The following PMS2 variants were observed in gnomAD, a reference collection of about 807,000 sequenced individuals.
PMS2 encodes mismatch repair endonuclease PMS2.
A neutral mutation model predicts 90.0 loss-of-function variants in PMS2; 69 were observed. The observed-to-expected ratio is 0.77, with a 90% CI of 0.63 to 0.94. The LOEUF is 0.94. Among genes scored for constraint, PMS2 ranks in the 40% least tolerant of loss-of-function variants. The pLI, the probability that PMS2 is intolerant of heterozygous loss-of-function variation, is 0.00. For synonymous variants in PMS2, 332 were observed against 375.1 expected, an observed-to-expected ratio of 0.89 and a Z score of 1.33; for missense variants, 966 against 1,040.2, an observed-to-expected ratio of 0.93 and a Z score of 0.98.
chr7:6,003,831 G>A (rs2128828211), intron 3 of PMS2, 39 bp from the exon 4 acceptor site: 1 of 1,380,176 alleles, frequency 7.2e-7, no homozygotes, highest in Non-Finnish European at 1.0e-6. Context: ...GATATCTCAA[G>A]TGCTATAACA....
Position 6,007,793 on chromosome 7 carries a change from A to C in PMS2, c.23+1204T>G, listed in dbSNP as rs187820827. ...CTGCAGATGACCTCACAGAAAATGG[A>C]AAGAAGTATCTCTAAAAATAAGTTT... On this transcript the variant is annotated intron_variant, in intron 1 of 14. Coordinates refer to ENST00000265849, the MANE Select transcript of PMS2 (RefSeq NM_000535.7). Among the ~76,000 whole-genome samples the C allele has an allele frequency of 1.2e-3, 185 of 152,174 alleles. 2 individuals are homozygous for C. The highest frequency in any genetic ancestry group is 6.9e-3 in the Middle Eastern group (2 of 290).
intron 2 of PMS2, among the ~76,000 whole-genome samples, chr7:6,005,671 G>T (rs1785653735): frequency 6.6e-6 from 1 of 152,092 alleles, no homozygotes; most frequent in East Asian, 1.9e-4. Flanking sequence ...GCAATTCTTA[G>T]CATAACACCT....
At chr7:5,992,308 C>T (rs866045589) in intron 8 of PMS2, among the ~76,000 whole-genome samples, 1 of 150,842 alleles carries the variant, frequency 6.6e-6, no homozygotes, top group African/African-American at 2.4e-5. Context: ...ACTTGGATTA[C>T]AGGCAGGATT....
At chr7:6,004,927 A>T (rs1785549492) in intron 2 of PMS2, among the ~76,000 whole-genome samples, 1 of 151,858 alleles carries the variant, frequency 6.6e-6, no homozygotes, top group South Asian at 2.1e-4. Flanking sequence ...TTCTTTTGAG[A>T]TGGAGTTTTG....
At chr7:5,976,833 C>A (rs1781716197) in intron 14 of PMS2, among the ~76,000 whole-genome samples, 1 of 130,458 alleles carries the variant, frequency 7.7e-6, no homozygotes, top group Admixed American at 8.0e-5. Flanking sequence ...CTTTGGGAGG[C>A]TGAGACAAGG....
At chr7:5,984,866 G>A (rs1349546668) in intron 11 of PMS2, among the ~76,000 whole-genome samples, 8 of 151,692 alleles carry the variant, frequency 5.3e-5, no homozygotes, top group South Asian at 4.1e-4. Flanking sequence ...CACCATGCTC[G>A]TCACCATCAC....
chr7:6,003,219 G>C (rs1785300073), intron 4 of PMS2: 1 of 152,466 alleles, frequency 6.6e-6, no homozygotes, highest in Admixed American at 6.5e-5. Flanking sequence ...ACTTGAACCT[G>C]GAAGGCAGAG....
At position 6,003,950 on chromosome 7, in the gene PMS2, G is replaced by C. The variant is rs760932767; in HGVS notation, c.250+22C>G. 1.2e-5 allele frequency: 18 copies of C among 1,474,090 alleles called. No homozygotes were observed. In the South Asian group the frequency reaches 2.0e-4, roughly 17 times the overall value. The allele number at this position is 1,474,090 out of a possible 1,614,324, so 91.3% of individuals were successfully genotyped here. A position where few individuals can be genotyped will look rare whatever the true frequency, so the allele number is the denominator to read the frequency against. Reference sequence around the variant, plus strand: ...CATGTGACCCAATTATTTTATAATAGGATTAGAAAAAGTCAACTTACTTAA... The same window carrying C: ...CATGTGACCCAATTATTTTATAATACGATTAGAAAAAGTCAACTTACTTAA... On this transcript the variant is annotated intron_variant, in intron 3 of 14. Transcript: ENST00000265849.
chr7:6,008,587 C>T (rs1287024852), intron 1 of PMS2, among the ~76,000 whole-genome samples: 1 of 148,720 alleles, frequency 6.7e-6, no homozygotes, highest in Non-Finnish European at 1.5e-5. Context: ...CCCGTCTCTA[C>T]AAAAAAAAAT....
At chr7:5,983,483 T>C (rs1202778617) in intron 11 of PMS2, among the ~76,000 whole-genome samples, 1 of 151,790 alleles carries the variant, frequency 6.6e-6, no homozygotes. Flanking sequence ...CAGTTGCTAC[T>C]ATTAACGATT....
rs142931608 is a variant in PMS2, at chr7:5,990,834, C to T, written c.989-879G>A. Among the ~76,000 whole-genome samples the T allele has an allele frequency of 5.1e-3, 779 of 152,120 alleles. 17 individuals are homozygous for T. The highest frequency in any genetic ancestry group is 0.03 in the Admixed American group (462 of 15,254). The stretch of plus-strand genomic sequence containing the variant: ...TTCAAGACCAGCCTGGCCAACATGG[C>T]GAAACCCCGTCTCTACTAAAAACAC... On this transcript the variant is annotated intron_variant, in intron 9 of 14. Coordinates refer to ENST00000265849, the MANE Select transcript of PMS2 (RefSeq NM_000535.7).
chr7:5,992,171 TTG>T, intron 8 of PMS2, 114 bp from the exon 9 acceptor site: 7 of 680,376 alleles, frequency 1.0e-5, no homozygotes, highest in South Asian at 3.2e-5. Context: ...GGATACTTTT[TTG>T]TTTTTTTTTT....
chr7:5,996,693 C>A (rs1407433328), intron 7 of PMS2, among the ~76,000 whole-genome samples: 1 of 150,986 alleles, frequency 6.6e-6, no homozygotes, highest in Non-Finnish European at 1.5e-5. Flanking sequence ...AGTAATGACA[C>A]TGAACTGCCT....
chr7:5,977,554 C>A, intron 14 of PMS2, 34 bp downstream of exon 14: 1 of 1,347,272 alleles, frequency 7.4e-7, no homozygotes, highest in Non-Finnish European at 1.1e-6. Flanking sequence ...CAAGCTTGAG[C>A]AGCTGAGCTG....
intron 7 of PMS2, among the ~76,000 whole-genome samples, chr7:5,996,010 G>C (rs940662223): frequency 6.6e-6 from 1 of 152,108 alleles, no homozygotes; most frequent in Admixed American, 6.6e-5. Flanking sequence ...CTAACCACTT[G>C]TGCTCAGAAT....
chr7:6,005,603 C>T (rs752271727), intron 2 of PMS2, among the ~76,000 whole-genome samples: 32 of 152,150 alleles, frequency 2.1e-4, no homozygotes, highest in Admixed American at 1.3e-4. Flanking sequence ...TCTCAAAGGG[C>T]TAGGATTATA....
chr7:6,000,173 G>A (rs563788127), intron 5 of PMS2, among the ~76,000 whole-genome samples: 3 of 151,312 alleles, frequency 2.0e-5, no homozygotes, highest in African/African-American at 7.3e-5. Context: ...CCACGAGTTC[G>A]AGACCTGCCT....
chr7:5,995,471 A>C (rs1258871612), intron 8 of PMS2, 63 bp downstream of exon 8: 8 of 1,019,668 alleles, frequency 7.8e-6, no homozygotes, highest in Admixed American at 6.8e-5. Context: ...ATTATCAGAA[A>C]AAAGTTATCA....
intron 12 of PMS2, among the ~76,000 whole-genome samples, chr7:5,982,615 G>T (rs1374596372): frequency 1.3e-5 from 2 of 152,174 alleles, no homozygotes; most frequent in Non-Finnish European, 2.9e-5. Context: ...GGGATTACAG[G>T]TGTGAGGCAC....
Sources: gnomAD v4.1 joint callset for allele counts (sites outside exome capture counted in the v4.1 genomes callset) on GRCh38, gnomAD v4.1.1 for gene constraint, MANE v1.5 for transcripts, NCBI Gene and HGNC (gene_info 2026-07-23, HGNC 2026-07-21) for gene names.